The following LIMK1 variants were observed in gnomAD, a reference collection of about 807,000 sequenced individuals.
The protein encoded by LIMK1 is LIM motif-containing protein kinase.
Under a neutral mutation model 77.6 loss-of-function variants are expected in LIMK1, and 21 were observed. The observed-to-expected ratio is 0.27, with a 90% confidence interval of 0.19 to 0.39. The LOEUF is 0.39. LIMK1 is among the 10% of genes least tolerant of loss of function. The pLI is 1.00. For missense variants in LIMK1, 696 were observed against 901.6 expected (o/e 0.77, Z 2.92); for synonymous variants, 358 against 370.0 (o/e 0.97, Z 0.37).
intron 13 of LIMK1, among the ~76,000 whole-genome samples, chr7:74,118,595 C>T (rs918551246): frequency 6.6e-6 from 1 of 151,364 alleles, no homozygotes; most frequent in Non-Finnish European, 1.5e-5. Context: ...ACTAAAAATA[C>T]AAAAATTAGC....
intron 2 of LIMK1, among the ~76,000 whole-genome samples, chr7:74,096,032 T>C (rs1431364287): frequency 1.3e-5 from 2 of 149,214 alleles, no homozygotes; most frequent in Non-Finnish European, 3.0e-5. Flanking sequence ...TGGCACAATT[T>C]TGGCTCACTG....
chr7:74,098,391 G>C (rs1379352663), intron 4 of LIMK1, among the ~76,000 whole-genome samples: 1 of 152,188 alleles, frequency 6.6e-6, no homozygotes, highest in African/African-American at 2.4e-5. Context: ...CTTGATCCCA[G>C]ATGGGCTTTT....
chr7:74,120,695 C>T, intron 14 of LIMK1, 57 bp downstream of exon 14: 3 of 1,591,606 alleles, frequency 1.9e-6, no homozygotes, highest in East Asian at 2.2e-5. Context: ...CCCACTCACC[C>T]AGGCTGCAGG....
At chr7:74,093,214 C>G (rs1292090497) in intron 2 of LIMK1, 27 of 1,535,238 alleles carry the variant, frequency 1.8e-5, no homozygotes, top group Admixed American at 1.2e-4. Flanking sequence ...CCTGCCCTCC[C>G]TTAGACCTCC....
chr7:74,091,343 G>A (rs533969063), intron 2 of LIMK1, among the ~76,000 whole-genome samples: 12 of 152,186 alleles, frequency 7.9e-5, no homozygotes, highest in African/African-American at 2.6e-4. Flanking sequence ...AGGCAACATA[G>A]TGAGACTCCA....
chr7:74,093,135 G>T, intron 2 of LIMK1: 1 of 1,465,198 alleles, frequency 6.8e-7, no homozygotes, highest in East Asian at 2.5e-5. Context: ...AGCCACGCTG[G>T]CCCCACCCTC....
intron 7 of LIMK1, 65 bp from the exon 8 acceptor site, chr7:74,106,945 G>A: frequency 7.0e-7 from 1 of 1,437,278 alleles, no homozygotes; most frequent in South Asian, 1.4e-5. Flanking sequence ...GAGGAGGAAG[G>A]GGCAGGGCCT....
rs191578524 is a variant in LIMK1 at position 74,109,442 on chromosome 7, C to T, written c.1284+406C>T. 6.0e-4 allele frequency: 152 copies of T among 251,854 alleles called. 1 individual carries two copies. Among genetic ancestry groups the T allele is most frequent in the African/African-American group, 3.1e-3 (140 of 44,920 alleles). The allele number at this position is 251,854 out of a possible 1,614,324, so 15.6% of individuals were successfully genotyped here. A position where few individuals can be genotyped will look rare whatever the true frequency, so the allele number is the denominator to read the frequency against. Reference sequence around the variant, plus strand: ...ATCTTTAGAAATAAAGTGCTCAGGCCAGGTGCAGTGGCTCATGCCTATAAT... The same window carrying T: ...ATCTTTAGAAATAAAGTGCTCAGGCTAGGTGCAGTGGCTCATGCCTATAAT... On this transcript the variant is annotated intron_variant, in intron 10 of 15. Coordinates refer to ENST00000336180, the MANE Select transcript of LIMK1 (RefSeq NM_002314.4).
chr7:74,120,706 C>T, intron 14 of LIMK1, 68 bp downstream of exon 14: 2 of 1,579,082 alleles, frequency 1.3e-6, no homozygotes, highest in African/African-American at 1.3e-5. Flanking sequence ...AGGCTGCAGG[C>T]TCAGCATCTG....
chr7:74,099,089 C>T lies in LIMK1; in HGVS notation c.459C>T (p.Asp153=), dbSNP rs781846405. The change falls in exon 5 of 16, where the codon GAC becomes GAT. Residue 153 remains aspartate (D), a synonymous_variant. Coordinates refer to ENST00000336180, the MANE Select transcript of LIMK1 (RefSeq NM_002314.4). ...VTPVIEQILP[D]SPGSHLPHTV... ...CCGTCATCGAGCAGATCCTGCCTGACTCCCCTGGCTCCCACCTGCCCCACA... is the reference window on the plus strand; with the variant it reads ...CCGTCATCGAGCAGATCCTGCCTGATTCCCCTGGCTCCCACCTGCCCCACA... The T allele has an allele frequency of 1.9e-6, 3 of 1,613,282 alleles. No individual in the cohort carries two copies. Among genetic ancestry groups the T allele is most frequent in the Admixed American group, 3.3e-5 (2 of 59,982 alleles).
intron 5 of LIMK1, among the ~76,000 whole-genome samples, chr7:74,102,397 G>GTTAT (rs1432080417): frequency 6.9e-6 from 1 of 145,196 alleles, no homozygotes. Context: ...TGTACATGTT[G>GTTAT]TTATTTATTG....
At chr7:74,114,551 CAA>C (rs547931306) in intron 12 of LIMK1, among the ~76,000 whole-genome samples, 1,246 of 67,142 alleles carry the variant, frequency 0.019, 17 homozygotes, top group African/African-American at 0.053. Flanking sequence ...GACTCTGCCT[CAA>C]AAAAAAAAAA....
chr7:74,102,484 C>CTCTTTTTTTTTTTTTTTTTTTTTT (rs1554696729), intron 5 of LIMK1, among the ~76,000 whole-genome samples: 1 of 54,066 alleles, frequency 1.8e-5, no homozygotes, highest in Non-Finnish European at 3.5e-5. Flanking sequence ...AGGACCTTCT[C>CTCTTTTTTTTTTTTTTTTTTTTTT]TTTTTTTTTT....
In LIMK1 at chr7:74,120,654, G is replaced by T. The variant is rs782089204; in HGVS notation, c.1623+16G>T. 2.5e-6 allele frequency: 4 copies of T among 1,613,900 alleles called. No homozygotes were observed. The highest frequency in any genetic ancestry group is 2.7e-5 in the African/African-American group (2 of 74,942). On this transcript the variant is annotated intron_variant, in intron 14 of 15. Coordinates refer to ENST00000336180, the MANE Select transcript of LIMK1 (RefSeq NM_002314.4). ...CCTGTGCGAGGTAGGTCCAGGGTTG[G>T]GTAGCAGCGGTGTTGAGGCCTGGGC...
At chr7:74,093,255 G>C (rs1554695043) in intron 2 of LIMK1, 1 of 1,536,014 alleles carries the variant, frequency 6.5e-7, no homozygotes, top group South Asian at 1.2e-5. Flanking sequence ...AGAGGATGCT[G>C]TTGGCTTCAG....
intron 2 of LIMK1, chr7:74,093,198 G>A: frequency 6.5e-7 from 1 of 1,532,616 alleles, no homozygotes; most frequent in African/African-American, 1.4e-5. Context: ...AGCTGGTCTG[G>A]CCACCCCTGC....
intron 2 of LIMK1, among the ~76,000 whole-genome samples, chr7:74,086,708 G>A (rs73146830): frequency 3.0e-3 from 457 of 152,098 alleles, no homozygotes; most frequent in Middle Eastern, 6.8e-3. Context: ...GAGAGGATGG[G>A]AGAGACCTCC....
At chr7:74,092,060 G>A (rs1040376545) in intron 2 of LIMK1, among the ~76,000 whole-genome samples, 4 of 144,168 alleles carry the variant, frequency 2.8e-5, no homozygotes, top group Non-Finnish European at 4.5e-5. Flanking sequence ...TCCGCCTCCC[G>A]GGTTCAAGCG....
chr7:74,088,510 C>T (rs1406933762), intron 2 of LIMK1, among the ~76,000 whole-genome samples: 1 of 151,968 alleles, frequency 6.6e-6, no homozygotes, highest in African/African-American at 2.4e-5. Flanking sequence ...TAAGGAGTTT[C>T]AGAAGTCAGG....
Sources: gnomAD v4.1 joint callset for allele counts (sites outside exome capture counted in the v4.1 genomes callset) on GRCh38, gnomAD v4.1.1 for gene constraint, MANE v1.5 for transcripts, NCBI Gene and HGNC (gene_info 2026-07-23, HGNC 2026-07-21) for gene names.